Variants in MRPL46 observed in about 807,000 individuals in gnomAD.
MRPL46 encodes large ribosomal subunit protein mL46.
A neutral mutation model predicts 31.0 loss-of-function variants in MRPL46; 26 were observed. The observed-to-expected ratio is 0.84, with a 90% confidence interval of 0.61 to 1.16. The LOEUF is 1.16. Ranked by LOEUF, MRPL46 falls within the 50% of genes most tolerant of loss-of-function variation. The probability of loss-of-function intolerance (pLI) is 0.00; values close to 1 mark genes in which losing one functional copy is unlikely to be tolerated. For missense variants in MRPL46, 395 were observed against 340.0 expected (o/e 1.16, Z -1.27); for synonymous variants, 159 against 141.3 (o/e 1.13, Z -0.89).
In MRPL46 at chr15:88,461,468, T is replaced by A. The variant is rs535458207; in HGVS notation, c.590-1605A>T. ...AAGCACATGAACAGTTAAGCTCACA[T>A]GAAAATAAATATCACTGGCCCATAA... On this transcript the variant is annotated intron_variant, in intron 3 of 3. Coordinates refer to ENST00000312475, the MANE Select transcript of MRPL46 (RefSeq NM_022163.4). The A allele has an allele frequency of 4.6e-5, 7 of 152,236 alleles. No individual in the cohort carries two copies. The South Asian group carries it at 1.5e-3, about 32-fold the overall frequency. The allele number at this position is 152,236 out of a possible 1,614,324, so 9.4% of individuals were successfully genotyped here.
intron 3 of MRPL46, chr15:88,460,109 A>AAAGTCAGC: frequency 2.0e-6 from 1 of 511,266 alleles, no homozygotes; most frequent in Non-Finnish European, 3.5e-6. Context: ...TTTTAGACTG[A>AAAGTCAGC]AAGTCAGCAA....
chr15:88,467,064 C>A (rs2055547264), intron 1 of MRPL46, 86 bp downstream of exon 1: 2 of 1,418,560 alleles, frequency 1.4e-6, no homozygotes, highest in South Asian at 1.2e-5. Flanking sequence ...GGATAAGTAC[C>A]GTATACTTAA....
At chr15:88,459,903 G>A (rs754095857) in intron 3 of MRPL46, 40 bp from the exon 4 acceptor site, 1 of 1,610,338 alleles carries the variant, frequency 6.2e-7, no homozygotes, top group South Asian at 1.1e-5. Flanking sequence ...TGGAAGGTAA[G>A]GATACAGCCA....
At chr15:88,459,993 G>C in intron 3 of MRPL46, 130 bp from the exon 4 acceptor site, 17 of 1,146,266 alleles carry the variant, frequency 1.5e-5, no homozygotes, top group Non-Finnish European at 1.9e-5. Flanking sequence ...CTAGGAATAG[G>C]ACTAGAGCCA....
chr15:88,465,485 T>C, intron 2 of MRPL46, 102 bp downstream of exon 2: 1 of 1,197,164 alleles, frequency 8.4e-7, no homozygotes, highest in South Asian at 1.7e-5. Context: ...ATGAAATTAT[T>C]TGTTACTTAA....
rs767907802 is a variant in MRPL46 at position 88,467,178 on chromosome 15, T to A, written c.200A>T (p.Gln67Leu). 1.2e-6 allele frequency: 2 copies of A among 1,614,114 alleles called. No homozygotes were observed. Among genetic ancestry groups the A allele is most frequent in the Admixed American group, 1.7e-5 (1 of 60,024 alleles). ...CTGCAGTAGAGACGCCATCTCTTCCTGCAATGGGGTCAACGGCTTGGAGAC... is the reference window on the plus strand; with the variant it reads ...CTGCAGTAGAGACGCCATCTCTTCCAGCAATGGGGTCAACGGCTTGGAGAC... ...PVVSKPLTPL[Q>L]EEMASLLQQI... is the part of the protein sequence containing the mutation. Residue 67 changes from glutamine to leucine, a missense_variant, in exon 1 of 4, where the codon CAG becomes CTG. Gln to Leu is a moderately radical substitution (Grantham distance 113). Coordinates refer to ENST00000312475, the MANE Select transcript of MRPL46 (RefSeq NM_022163.4).
chr15:88,464,905 G>C, intron 2 of MRPL46, 29 bp from the exon 3 acceptor site: 1 of 1,596,148 alleles, frequency 6.3e-7, no homozygotes, highest in Non-Finnish European at 8.5e-7. Flanking sequence ...GAGGAGGTAA[G>C]AAGACTGTGA....
At chr15:88,464,536 A>T (rs1039643623) in intron 3 of MRPL46, 167 bp downstream of exon 3, 64 of 675,584 alleles carry the variant, frequency 9.5e-5, no homozygotes, top group South Asian at 1.9e-4. Flanking sequence ...AAAAAAAAAT[A>T]AAAAAAATCC....
chr15:88,463,816 C>T lies in MRPL46; in HGVS notation c.589+887G>A, dbSNP rs1414705952. The T allele has an allele frequency of 2.0e-5, 3 of 152,172 alleles. No homozygotes were observed. The highest frequency in any genetic ancestry group is 4.4e-5 in the Non-Finnish European group (3 of 68,036). 9.4% of individuals were successfully genotyped at this position (152,172 alleles called of 1,614,324 possible). ...CATTAATGAACAGCAAGACGGCAGA[C>T]TGATGAGACTGGGATCAGGGCAAAT... is the stretch of plus-strand genomic sequence containing the variant. On this transcript the variant is annotated intron_variant, in intron 3 of 3. Transcript: ENST00000312475. The surrounding 1 kb of genome is among the most constrained non-coding windows in gnomAD (Gnocchi z 5.4).
chr15:88,461,688 T>A (rs2055478836), intron 3 of MRPL46: 1 of 152,232 alleles, frequency 6.6e-6, no homozygotes, highest in South Asian at 2.1e-4. Flanking sequence ...AGGTGTCAAC[T>A]TAATTGCACA....
intron 2 of MRPL46, 50 bp from the exon 3 acceptor site, chr15:88,464,926 C>T: frequency 1.3e-6 from 2 of 1,562,888 alleles, no homozygotes; most frequent in East Asian, 2.3e-5. Flanking sequence ...TCTGCCAGAA[C>T]CAAGAAACCT....
rs2055495140 is a variant in MRPL46, at chr15:88,463,502, A to C, written c.589+1201T>G. 1 of 152,248 alleles carries C rather than the reference A, an allele frequency of 6.6e-6. No individual in the cohort carries two copies. Among genetic ancestry groups the C allele is most frequent in the African/African-American group, 2.4e-5 (1 of 41,476 alleles). 9.4% of individuals were successfully genotyped at this position (152,248 alleles called of 1,614,324 possible). A position where few individuals can be genotyped will look rare whatever the true frequency, so the allele number is the denominator to read the frequency against. ...AACACAAGCTCCTAGGGAGTAGGGT[A>C]GTGTCCTGTTCATCACTGAGACCCT... On this transcript the variant is annotated intron_variant, in intron 3 of 3. Coordinates refer to ENST00000312475, the MANE Select transcript of MRPL46 (RefSeq NM_022163.4). This position sits in a 1 kb window ranked among gnomAD's most constrained non-coding sequence, Gnocchi z 5.4.
At chr15:88,465,010 C>T in intron 2 of MRPL46, 134 bp from the exon 3 acceptor site, 2 of 954,716 alleles carry the variant, frequency 2.1e-6, no homozygotes, top group Non-Finnish European at 1.5e-6. Flanking sequence ...ACACCTCGAC[C>T]CATCTCTCTA....
At chr15:88,466,748 A>G (rs1025844064) in intron 1 of MRPL46, among the ~76,000 whole-genome samples, 1 of 152,204 alleles carries the variant, frequency 6.6e-6, no homozygotes, top group African/African-American at 2.4e-5. Flanking sequence ...CCTCACACAG[A>G]TAGCCCCATG....
Position 88,459,722 on chromosome 15 carries a change from G to T in MRPL46, c.731C>A (p.Ser244Tyr). 6.2e-7 allele frequency: 1 copy of T among 1,614,176 alleles called. No homozygotes were observed. Among genetic ancestry groups the T allele is most frequent in the Non-Finnish European group, 8.5e-7 (1 of 1,180,040 alleles). Reference sequence around the variant, plus strand: ...ATGATGGCCCTTATTCCCAGCCTGGGAAAAGTCTCCAGTTAATAGCAGTGC... The same window carrying T: ...ATGATGGCCCTTATTCCCAGCCTGGTAAAAGTCTCCAGTTAATAGCAGTGC... Reference protein sequence around the residue: ...FKALLLTGDFSQAGNKGHHVW... With the variant: ...FKALLLTGDFYQAGNKGHHVW... The change falls in exon 4 of 4, where the codon TCC (serine) becomes TAC (tyrosine). Residue 244 changes from serine (S) to tyrosine (Y), a missense_variant. Physicochemically the swap from Ser to Tyr is moderately radical, Grantham distance 144 (BLOSUM62 -2). Coordinates refer to ENST00000312475, the MANE Select transcript of MRPL46 (RefSeq NM_022163.4).
intron 2 of MRPL46, 93 bp from the exon 3 acceptor site, chr15:88,464,969 T>G: frequency 1.4e-6 from 2 of 1,442,434 alleles, no homozygotes; most frequent in South Asian, 2.7e-5. Flanking sequence ...AGATCCACAA[T>G]CCTTGCCCTC....
chr15:88,465,537 T>C (rs1219454436), intron 2 of MRPL46, 50 bp downstream of exon 2: 1 of 1,478,886 alleles, frequency 6.8e-7, no homozygotes, highest in Non-Finnish European at 9.0e-7. Flanking sequence ...TATTTGGGAA[T>C]CCAAATACCC....
chr15:88,460,168 A>G, intron 3 of MRPL46: 1 of 337,650 alleles, frequency 3.0e-6, no homozygotes, highest in Non-Finnish European at 5.5e-6. Flanking sequence ...TCCTACATTC[A>G]GCCCAGTCGC....
chr15:88,465,769 T>C lies in MRPL46; in HGVS notation c.233A>G (p.Glu78Gly), dbSNP rs769821466. ...GTCTGAATACAGGCTTCTCTCTATCTCAATCTGGGAAAATTCAAAGGGCAA... is the reference window on the plus strand; with the variant it reads ...GTCTGAATACAGGCTTCTCTCTATCCCAATCTGGGAAAATTCAAAGGGCAA... ...EEMASLLQQI[E>G]IERSLYSDHE... Residue 78 changes from glutamate to glycine, a missense_variant, in exon 2 of 4, where the codon GAG (glutamate) becomes GGG (glycine). By Grantham distance (98) the Glu-to-Gly change is moderately conservative. Coordinates refer to ENST00000312475, the MANE Select transcript of MRPL46 (RefSeq NM_022163.4). The C allele has an allele frequency of 6.4e-7, 1 of 1,570,816 alleles. No individual in the cohort carries two copies. Among genetic ancestry groups the C allele is most frequent in the East Asian group, 2.3e-5 (1 of 44,242 alleles).
Sources: gnomAD v4.1 joint callset for allele counts (sites outside exome capture counted in the v4.1 genomes callset) on GRCh38, gnomAD v4.1.1 for gene constraint, Gnocchi (gnomAD v3.1) non-coding constraint, MANE v1.5 for transcripts, NCBI Gene and HGNC (gene_info 2026-07-23, HGNC 2026-07-21) for gene names.